The following SYN3 variants were observed in gnomAD, a reference collection of about 807,000 sequenced individuals.
SYN3 encodes the protein synapsin III, also known as synapsin-3.
In SYN3, 35 loss-of-function variants were observed where a neutral mutation model predicts 65.8. That is an observed-to-expected ratio of 0.53 (90% CI 0.41 to 0.70). SYN3 has a LOEUF of 0.70. SYN3 is among the 30% of genes least tolerant of loss of function. The pLI is 0.00. For synonymous variants in SYN3, 270 were observed against 292.9 expected (o/e 0.92, Z 0.80); for missense variants, 680 against 749.0 (o/e 0.91, Z 1.08).
At chr22:32,882,101 G>C (rs963402249) in intron 4 of SYN3, among the ~76,000 whole-genome samples, 4 of 151,622 alleles carry the variant, frequency 2.6e-5, no homozygotes, top group African/African-American at 9.7e-5. Flanking sequence ...AGACAGGGGA[G>C]GGCAGGATGT....
At position 32,541,720 on chromosome 22, in the gene SYN3, G is replaced by C; in HGVS notation, c.775-7C>G. Reference sequence around the variant, plus strand: ...GCTGGTTTTCCACTTTGATCTGTGTGGGAGGATGAGGGGGATGAGTGCCAC... The same window carrying C: ...GCTGGTTTTCCACTTTGATCTGTGTCGGAGGATGAGGGGGATGAGTGCCAC... On this transcript the variant is annotated splice_polypyrimidine_tract_variant and splice_region_variant and intron_variant, in intron 7 of 13. Transcript: ENST00000358763. 1 of 1,612,636 alleles carries C rather than the reference G, an allele frequency of 6.2e-7. No homozygotes were observed. The highest frequency in any genetic ancestry group is 8.5e-7 in the Non-Finnish European group (1 of 1,179,252).
chr22:32,836,968 C>A (rs2047749802), intron 6 of SYN3, among the ~76,000 whole-genome samples: 1 of 152,210 alleles, frequency 6.6e-6, no homozygotes, highest in Admixed American at 6.5e-5. Flanking sequence ...TTGCTGTCTG[C>A]AAAGGCTGCA....
At chr22:32,584,899 G>A (rs1012758401) in intron 7 of SYN3, among the ~76,000 whole-genome samples, 1 of 152,122 alleles carries the variant, frequency 6.6e-6, no homozygotes, top group African/African-American at 2.4e-5. Context: ...TCTTGGGTGG[G>A]GCCTTGTGAA....
At chr22:32,893,493 C>G (rs544623827) in intron 4 of SYN3, among the ~76,000 whole-genome samples, 1 of 152,238 alleles carries the variant, frequency 6.6e-6, no homozygotes, top group African/African-American at 2.4e-5. Context: ...CAGGAGTCAA[C>G]CCTTCAGTAG....
At chr22:33,053,890 T>G (rs2054211907) in intron 1 of SYN3, among the ~76,000 whole-genome samples, 1 of 152,180 alleles carries the variant, frequency 6.6e-6, no homozygotes, top group African/African-American at 2.4e-5. Context: ...CTGCCACGTG[T>G]GAATACTCAA....
At chr22:32,904,258 A>AATGGAATG (rs2049841341) in intron 4 of SYN3, among the ~76,000 whole-genome samples, 1 of 152,238 alleles carries the variant, frequency 6.6e-6, no homozygotes, top group African/African-American at 2.4e-5. Flanking sequence ...CAATGGGATG[A>AATGGAATG]ATGGAATGCT....
chr22:32,783,174 C>T (rs2046113950), intron 6 of SYN3: 1 of 152,244 alleles, frequency 6.6e-6, no homozygotes, highest in Admixed American at 6.5e-5. Flanking sequence ...TCTCTTGATG[C>T]AGGTTTATAT....
chr22:32,908,385 CTTTTTTT>C (rs10719402), intron 4 of SYN3, among the ~76,000 whole-genome samples: 1 of 116,636 alleles, frequency 8.6e-6, no homozygotes, highest in Non-Finnish European at 1.7e-5. Flanking sequence ...CACGCCTAGC[CTTTTTTT>C]TTTTTTTTTT....
intron 6 of SYN3, among the ~76,000 whole-genome samples, chr22:32,697,350 T>C (rs1352176555): frequency 6.6e-6 from 1 of 152,236 alleles, no homozygotes; most frequent in South Asian, 2.1e-4. Flanking sequence ...TGTATGACTT[T>C]GGACACATTA....
chr22:32,803,290 G>C (rs1016208365), intron 6 of SYN3, among the ~76,000 whole-genome samples: 2 of 152,034 alleles, frequency 1.3e-5, no homozygotes, highest in Admixed American at 6.5e-5. Flanking sequence ...ATTTTCCACT[G>C]AGTCTTGGGT....
chr22:32,605,027 G>T (rs1029845717), intron 6 of SYN3, among the ~76,000 whole-genome samples: 5 of 121,352 alleles, frequency 4.1e-5, no homozygotes, highest in African/African-American at 8.8e-5. Flanking sequence ...AAAAAAAAAA[G>T]AATTATACAT....
intron 3 of SYN3, among the ~76,000 whole-genome samples, chr22:32,948,693 C>T (rs1443797736): frequency 3.3e-5 from 5 of 151,982 alleles, no homozygotes; most frequent in African/African-American, 7.2e-5. Context: ...GCCGAGATCG[C>T]GTCACTGCAC....
At chr22:33,036,717 G>GTTGCGCTC (rs1345490212) in intron 1 of SYN3, among the ~76,000 whole-genome samples, 1 of 114,058 alleles carries the variant, frequency 8.8e-6, no homozygotes, top group Admixed American at 1.2e-4. Context: ...TTGAGACAGA[G>GTTGCGCTC]TTGCGCTCTT....
intron 6 of SYN3, among the ~76,000 whole-genome samples, chr22:32,794,800 C>G (rs1602164234): frequency 6.6e-6 from 1 of 152,106 alleles, no homozygotes; most frequent in South Asian, 2.1e-4. Context: ...AAAATATTCA[C>G]TAAGTGGTGA....
intron 7 of SYN3, among the ~76,000 whole-genome samples, chr22:32,558,378 C>T (rs2058533852): frequency 6.6e-6 from 1 of 152,170 alleles, no homozygotes; most frequent in Admixed American, 6.5e-5. Context: ...GATGTTGTTC[C>T]TCCCATTTCA....
chr22:32,714,473 C>G (rs1307727113), intron 6 of SYN3, among the ~76,000 whole-genome samples: 2 of 152,122 alleles, frequency 1.3e-5, no homozygotes, highest in Non-Finnish European at 2.9e-5. Context: ...TTAAAAAATG[C>G]CCAAGAGATT....
At chr22:32,798,599 T>C (rs1370704126) in intron 6 of SYN3, among the ~76,000 whole-genome samples, 1 of 151,920 alleles carries the variant, frequency 6.6e-6, no homozygotes, top group Non-Finnish European at 1.5e-5. Context: ...AGATAGATCT[T>C]GAAACTTACT....
At chr22:32,597,297 C>A (rs974358410) in intron 6 of SYN3, among the ~76,000 whole-genome samples, 4 of 135,468 alleles carry the variant, frequency 3.0e-5, no homozygotes, top group African/African-American at 5.4e-5. Context: ...CTCACTGCAA[C>A]CTTTGCCTCC....
Position 32,507,884 on chromosome 22 carries a change from A to G in SYN3, c.*5808T>C, listed in dbSNP as rs572991774. 1.5e-4 allele frequency among the ~76,000 whole-genome samples: 23 copies of G among 151,858 alleles called. No homozygotes were observed. Among genetic ancestry groups the G allele is most frequent in the Non-Finnish European group, 2.8e-4 (19 of 67,986 alleles). ...TAACATCCCCACAATATCACCCCTT[A>G]CCACGAGACCTCCCTTCAGCTTAAT... On this transcript the variant is annotated 3_prime_UTR_variant, in exon 14 of 14. Coordinates refer to ENST00000358763, the MANE Select transcript of SYN3 (RefSeq NM_003490.4).
Sources: gnomAD v4.1 joint callset for allele counts (sites outside exome capture counted in the v4.1 genomes callset) on GRCh38, gnomAD v4.1.1 for gene constraint, MANE v1.5 for transcripts, NCBI Gene and HGNC (gene_info 2026-07-23, HGNC 2026-07-21) for gene names.